MSI2: variants seen among roughly 807,000 people sequenced by gnomAD.
The protein encoded by MSI2 is musashi RNA binding protein 2, also known as RNA-binding protein Musashi homolog 2.
A neutral mutation model predicts 45.6 loss-of-function variants in MSI2; 17 were observed. That is an observed-to-expected ratio of 0.37 (90% CI 0.26 to 0.56). The LOEUF (loss-of-function observed/expected upper bound fraction) is 0.56. MSI2 is among the 20% of genes least tolerant of loss of function. MSI2 has a pLI of 0.77. For missense variants in MSI2, 293 were observed against 444.2 expected, an observed-to-expected ratio of 0.66 and a Z score of 3.06; for synonymous variants, 156 against 158.2, an observed-to-expected ratio of 0.99 and a Z score of 0.11.
chr17:57,690,052 C>T, the MSI2 span, among the ~76,000 whole-genome samples: 1 of 152,030 alleles, frequency 6.6e-6, no homozygotes, highest in East Asian at 1.9e-4. Context: ...CTTTAGCCAA[C>T]CTGTTTTCCA....
At chr17:57,545,174 T>G (rs1450102030) in intron 7 of MSI2, among the ~76,000 whole-genome samples, 1 of 151,482 alleles carries the variant, frequency 6.6e-6, no homozygotes, top group Non-Finnish European at 1.5e-5. Flanking sequence ...GGCCCCCCCG[T>G]TTTTTAAGTA....
chr17:57,686,135 C>T (rs1237856438), downstream of MSI2, among the ~76,000 whole-genome samples: 2 of 152,122 alleles, frequency 1.3e-5, no homozygotes, highest in African/African-American at 4.8e-5. Flanking sequence ...TCCTGCTGCC[C>T]CTGGGTTCAA....
chr17:57,327,884 G>C (rs945603219), intron 5 of MSI2, among the ~76,000 whole-genome samples: 2 of 152,120 alleles, frequency 1.3e-5, no homozygotes, highest in Admixed American at 1.3e-4. Flanking sequence ...CCATTGTCAG[G>C]CAGGCCCGTA....
intron 5 of MSI2, 146 bp from the exon 6 acceptor site, chr17:57,401,233 C>T (rs1407073812): frequency 1.6e-6 from 1 of 637,256 alleles, no homozygotes; most frequent in Non-Finnish European, 2.8e-6. Context: ...CATCCTTAGA[C>T]ATCTAAACGC....
Position 57,345,818 on chromosome 17 carries a change from CA to C in MSI2, c.313-55543del, listed in dbSNP as rs10685506. ...TGGGCGACAGAGTGGGACTCCGTCTCAAAAAAAAAAAAAAAAAATTAACTAA... is the reference window on the plus strand; with the variant it reads ...TGGGCGACAGAGTGGGACTCCGTCTCAAAAAAAAAAAAAAAAATTAACTAA... On this transcript the variant is annotated intron_variant, in intron 5 of 13. Coordinates refer to ENST00000284073, the MANE Select transcript of MSI2 (RefSeq NM_138962.4). Among the ~76,000 whole-genome samples, 209 of 121,208 alleles carry C rather than the reference CA, an allele frequency of 1.7e-3. No individual in the cohort carries two copies. The East Asian group carries it at 0.017, about 10-fold the overall frequency. The allele number at this position is 121,208 out of a possible 152,430, so 79.5% of individuals were successfully genotyped here. A position where few individuals can be genotyped will look rare whatever the true frequency, so the allele number is the denominator to read the frequency against.
intron 5 of MSI2, among the ~76,000 whole-genome samples, chr17:57,288,217 T>C (rs555716621): frequency 6.6e-6 from 1 of 152,296 alleles, no homozygotes; most frequent in East Asian, 1.9e-4. Context: ...AGACAGAACT[T>C]TCTGTAGAGC....
intron 8 of MSI2, among the ~76,000 whole-genome samples, chr17:57,606,007 A>G (rs1906531269): frequency 1.3e-5 from 2 of 152,224 alleles, no homozygotes; most frequent in Non-Finnish European, 2.9e-5. Flanking sequence ...TGCTGCCACC[A>G]TCAGCTTTTT....
At chr17:57,286,709 ACTGT>A (rs1478471533) in intron 5 of MSI2, among the ~76,000 whole-genome samples, 1 of 151,992 alleles carries the variant, frequency 6.6e-6, no homozygotes, top group Non-Finnish European at 1.5e-5. Flanking sequence ...TTCCCGGCTC[ACTGT>A]GAGCCTCGAC....
chr17:57,385,326 C>T (rs2083667079), intron 5 of MSI2, among the ~76,000 whole-genome samples: 1 of 152,190 alleles, frequency 6.6e-6, no homozygotes, highest in Non-Finnish European at 1.5e-5. Context: ...CCCCTCAGAC[C>T]CTCCTTTTCA....
chr17:57,431,153 C>G (rs537054949), intron 6 of MSI2, among the ~76,000 whole-genome samples: 1 of 152,292 alleles, frequency 6.6e-6, no homozygotes, highest in Admixed American at 6.5e-5. Context: ...AGAATTTATC[C>G]CTCCAGGCCC....
chr17:57,472,276 C>G (rs913778237), intron 6 of MSI2, among the ~76,000 whole-genome samples: 3 of 152,324 alleles, frequency 2.0e-5, no homozygotes, highest in Non-Finnish European at 2.9e-5. Flanking sequence ...GCCTGGCAGG[C>G]ACACCTATGC....
intron 6 of MSI2, among the ~76,000 whole-genome samples, chr17:57,425,993 G>A (rs1050935145): frequency 2.0e-5 from 3 of 152,038 alleles, no homozygotes; most frequent in Admixed American, 2.0e-4. Flanking sequence ...TGAAGAGTGA[G>A]GAATCTGTTA....
At chr17:57,536,035 T>C (rs758544854) in intron 7 of MSI2, among the ~76,000 whole-genome samples, 9 of 151,986 alleles carry the variant, frequency 5.9e-5, no homozygotes, top group Non-Finnish European at 1.3e-4. Context: ...TTATGTACGA[T>C]GTATAAAGAT....
chr17:57,336,257 T>A (rs1230562382), intron 5 of MSI2, among the ~76,000 whole-genome samples: 1 of 152,196 alleles, frequency 6.6e-6, no homozygotes, highest in African/African-American at 2.4e-5. Flanking sequence ...AAAGGACTAT[T>A]AAGAGTAAGG....
chr17:57,279,259 G>A (rs1909187759), intron 5 of MSI2: 1 of 152,290 alleles, frequency 6.6e-6, no homozygotes, highest in Admixed American at 6.6e-5. Flanking sequence ...TCTAAACCAG[G>A]ATGTGAGCTA....
intron 7 of MSI2, among the ~76,000 whole-genome samples, chr17:57,544,216 T>C (rs772617851): frequency 2.0e-5 from 3 of 152,220 alleles, no homozygotes; most frequent in Non-Finnish European, 2.9e-5. Flanking sequence ...TCAAAAACGC[T>C]ATAAAGGATC....
At chr17:57,653,575 T>C (rs1196909572) in intron 11 of MSI2, among the ~76,000 whole-genome samples, 2 of 152,220 alleles carry the variant, frequency 1.3e-5, no homozygotes, top group African/African-American at 4.8e-5. Context: ...TTGGTATCAT[T>C]ATAAACAAGC....
Position 57,528,895 on chromosome 17 carries a change from G to A in MSI2, c.406-781G>A, listed in dbSNP as rs183182671. On this transcript the variant is annotated intron_variant, in intron 6 of 13. Coordinates refer to ENST00000284073, the MANE Select transcript of MSI2 (RefSeq NM_138962.4). ...GACACAGTTGAGCCCATAACAATCA[G>A]GATGTTCAAGCTTCACTGTTTATCA... is the stretch of plus-strand genomic sequence containing the variant. Among the ~76,000 whole-genome samples, 450 of 152,234 alleles carry A rather than the reference G, an allele frequency of 3.0e-3. 2 individuals carry two copies. Among genetic ancestry groups the A allele is most frequent in the Middle Eastern group, 6.8e-3 (2 of 294 alleles).
intron 8 of MSI2, among the ~76,000 whole-genome samples, chr17:57,604,093 G>T (rs916456422): frequency 1.6e-4 from 24 of 152,218 alleles, no homozygotes; most frequent in Admixed American, 1.4e-3. Context: ...GGTAGAGGGT[G>T]CCTCAAGTCC....
Sources: allele counts gnomAD v4.1 joint callset (sites outside exome capture counted in the v4.1 genomes callset), GRCh38; gene constraint gnomAD v4.1.1; transcripts MANE v1.5; gene names NCBI Gene and HGNC (gene_info 2026-07-23, HGNC 2026-07-21).